Variants in NKAIN2 observed in about 807,000 individuals in gnomAD.
NKAIN2 encodes sodium/potassium transporting ATPase interacting 2, also known as sodium/potassium-transporting ATPase subunit beta-1-interacting protein 2.
NKAIN2 carries 14 observed loss-of-function variants against 32.6 expected under a neutral mutation model. The observed-to-expected ratio is 0.43, with a 90% CI of 0.28 to 0.67. The LOEUF (loss-of-function observed/expected upper bound fraction) is 0.67. Among genes scored for constraint, NKAIN2 ranks in the 30% least tolerant of loss-of-function variants. NKAIN2 has a pLI of 0.17. For missense variants in NKAIN2, 198 were observed against 258.3 expected, an observed-to-expected ratio of 0.77 and a Z score of 1.60; for synonymous variants, 80 against 87.2, an observed-to-expected ratio of 0.92 and a Z score of 0.46.
chr6:124,545,378 A>T (rs1383244400), intron 3 of NKAIN2, among the ~76,000 whole-genome samples: 1 of 152,180 alleles, frequency 6.6e-6, no homozygotes, highest in Non-Finnish European at 1.5e-5. Flanking sequence ...GCCCATAAAG[A>T]CAAGCCATAG....
intron 4 of NKAIN2, among the ~76,000 whole-genome samples, chr6:124,687,743 T>C (rs867502930): frequency 0.034 from 3,552 of 104,354 alleles, 191 homozygotes; most frequent in African/African-American, 0.1. Context: ...ATATGATATA[T>C]ACACACACAC....
In NKAIN2 at chr6:124,515,705, C is replaced by T. The variant is rs978065010; in HGVS notation, c.274-142481C>T. 1.2e-3 allele frequency among the ~76,000 whole-genome samples: 4 copies of T among 3,312 alleles called. No individual in the cohort carries two copies. The Non-Finnish European group carries it at 0.079, about 65-fold the overall frequency. The allele number at this position is 3,312 out of a possible 152,430, so 2.2% of individuals were successfully genotyped here. A position where few individuals can be genotyped will look rare whatever the true frequency, so the allele number is the denominator to read the frequency against. ...AGCACTTCCCTACTTCATTTTTCTT[C>T]GCTTTCTCTCCGTCTCGCTCTGTCG... is the stretch of plus-strand genomic sequence containing the variant. On this transcript the variant is annotated intron_variant, in intron 3 of 6. Coordinates refer to ENST00000368417, the MANE Select transcript of NKAIN2 (RefSeq NM_001040214.3).
chr6:124,143,644 C>T (rs1171047844), intron 1 of NKAIN2, among the ~76,000 whole-genome samples: 1 of 152,120 alleles, frequency 6.6e-6, no homozygotes, highest in African/African-American at 2.4e-5. Context: ...GGCAGATTGC[C>T]ACCACACCCA....
At chr6:124,805,227 C>T (rs1010814497) in intron 5 of NKAIN2, among the ~76,000 whole-genome samples, 1 of 152,224 alleles carries the variant, frequency 6.6e-6, no homozygotes. Flanking sequence ...AGCAGCCTAA[C>T]TGGGAGGCAC....
chr6:123,867,582 G>A (rs1040822123), intron 1 of NKAIN2, among the ~76,000 whole-genome samples: 1 of 152,148 alleles, frequency 6.6e-6, no homozygotes, highest in Non-Finnish European at 1.5e-5. Context: ...AATAAATAGG[G>A]ACTCAAAAAT....
intron 1 of NKAIN2, among the ~76,000 whole-genome samples, chr6:124,115,674 G>A (rs566094538): frequency 3.3e-5 from 5 of 151,974 alleles, no homozygotes; most frequent in Admixed American, 2.0e-4. Context: ...ATCAGTAAAC[G>A]AGTTAACTTT....
At chr6:124,534,459 T>C (rs1015901860) in intron 3 of NKAIN2, among the ~76,000 whole-genome samples, 1 of 152,240 alleles carries the variant, frequency 6.6e-6, no homozygotes, top group Non-Finnish European at 1.5e-5. Flanking sequence ...CTTAGTAGTT[T>C]TGTTTTCTAT....
At chr6:124,209,839 T>C (rs1582851978) in intron 1 of NKAIN2, among the ~76,000 whole-genome samples, 1 of 152,066 alleles carries the variant, frequency 6.6e-6, no homozygotes, top group South Asian at 2.1e-4. Context: ...TCCTTATATA[T>C]TGTGGTTATT....
chr6:124,529,022 CAT>C (rs888243929), intron 3 of NKAIN2, among the ~76,000 whole-genome samples: 6 of 152,316 alleles, frequency 3.9e-5, no homozygotes, highest in East Asian at 1.9e-4. Context: ...TATACTAAAA[CAT>C]GTGGCTTGAG....
chr6:124,075,618 C>T (rs553144095), intron 1 of NKAIN2, among the ~76,000 whole-genome samples: 56 of 152,038 alleles, frequency 3.7e-4, no homozygotes, highest in Admixed American at 1.1e-3. Flanking sequence ...TATTTAGAGA[C>T]GGAGTCTTGA....
At chr6:124,026,832 A>G (rs1166815368) in intron 1 of NKAIN2, among the ~76,000 whole-genome samples, 1 of 152,102 alleles carries the variant, frequency 6.6e-6, no homozygotes, top group African/African-American at 2.4e-5. Flanking sequence ...TTCCTTAGCT[A>G]AGCTCTTTGA....
At chr6:124,385,528 G>C (rs540816092) in intron 3 of NKAIN2, among the ~76,000 whole-genome samples, 2 of 152,090 alleles carry the variant, frequency 1.3e-5, no homozygotes, top group South Asian at 4.1e-4. Flanking sequence ...CACTGAATCG[G>C]TGTCTCTTAA....
intron 1 of NKAIN2, among the ~76,000 whole-genome samples, chr6:123,825,725 C>A (rs1397653519): frequency 6.6e-6 from 1 of 152,062 alleles, no homozygotes; most frequent in Non-Finnish European, 1.5e-5. Flanking sequence ...TGTCAAAACA[C>A]CTCATTTTGT....
intron 3 of NKAIN2, among the ~76,000 whole-genome samples, chr6:124,656,128 A>C (rs893270912): frequency 6.6e-6 from 1 of 152,158 alleles, no homozygotes. Context: ...GAAAAATAAC[A>C]TAAAAAACAT....
intron 3 of NKAIN2, among the ~76,000 whole-genome samples, chr6:124,468,945 AAGTAT>A (rs1415285079): frequency 6.6e-6 from 1 of 152,196 alleles, no homozygotes; most frequent in African/African-American, 2.4e-5. Context: ...TTTATCTTTT[AAGTAT>A]ATTAAAGCTC....
intron 3 of NKAIN2, among the ~76,000 whole-genome samples, chr6:124,398,837 ATAC>A (rs1268512663): frequency 1.3e-5 from 2 of 152,212 alleles, no homozygotes; most frequent in Non-Finnish European, 2.9e-5. Context: ...GACTAAGTAT[ATAC>A]TCCAGAGGGG....
intron 1 of NKAIN2, among the ~76,000 whole-genome samples, chr6:123,811,572 A>G (rs1773475369): frequency 1.3e-5 from 1 of 79,214 alleles, no homozygotes; most frequent in South Asian, 5.6e-4. Context: ...TGAGACATTT[A>G]TATTTCTGGG....
intron 4 of NKAIN2, among the ~76,000 whole-genome samples, chr6:124,744,998 A>G (rs756281): frequency 0.31 from 46,922 of 151,832 alleles, 9,083 homozygotes; most frequent in Admixed American, 0.42. Flanking sequence ...CATCAAGCCC[A>G]TAAAACGCCA....
chr6:124,211,021 TTTAGAA>T (rs1321227727), intron 1 of NKAIN2, among the ~76,000 whole-genome samples: 91 of 151,584 alleles, frequency 6.0e-4, no homozygotes, highest in African/African-American at 2.1e-3. Flanking sequence ...TATTCCAGAT[TTTAGAA>T]GAAAGGCTTT....
Sources: allele counts gnomAD v4.1 joint callset (sites outside exome capture counted in the v4.1 genomes callset), GRCh38; gene constraint gnomAD v4.1.1; transcripts MANE v1.5; gene names NCBI Gene and HGNC (gene_info 2026-07-23, HGNC 2026-07-21).